The following ACADVL variants were observed in gnomAD, a reference collection of about 807,000 sequenced individuals.
The protein encoded by ACADVL is very long-chain acyl-CoA dehydrogenase, mitochondrial.
A neutral mutation model predicts 80.4 loss-of-function variants in ACADVL; 73 were observed. The ratio of observed to expected loss-of-function variants is 0.91; its 90% confidence interval spans 0.75 to 1.10. ACADVL has a LOEUF of 1.10. Ranked by LOEUF, ACADVL falls within the 50% of genes least tolerant of loss-of-function variation. ACADVL has a pLI of 0.00. For missense variants in ACADVL, 878 were observed against 858.9 expected (o/e 1.02, Z -0.28); for synonymous variants, 392 against 326.5 (o/e 1.20, Z -2.16).
upstream of ACADVL, chr17:7,217,658 G>A (rs2070992804): frequency 9.2e-6 from 11 of 1,202,066 alleles, no homozygotes; most frequent in Non-Finnish European, 1.1e-5. Flanking sequence ...GAGGGAGGGA[G>A]CTAGGAGCCA....
chr17:7,217,803 C>G, upstream of ACADVL: 2 of 1,535,184 alleles, frequency 1.3e-6, no homozygotes, highest in South Asian at 2.4e-5. Flanking sequence ...CCAGCGATGA[C>G]AGCAAAGACG....
chr17:7,221,619 A>G lies in ACADVL; in HGVS notation c.559A>G (p.Lys187Glu). Reference sequence around the variant, plus strand: ...GGGGGCCCATCAGAGCATCGGTTTCAAAGGCATCCTGCTCTTTGGCACAAA... The same window carrying G: ...GGGGGCCCATCAGAGCATCGGTTTCGAAGGCATCCTGCTCTTTGGCACAAA... Reference protein sequence around the residue: ...TLGAHQSIGFKGILLFGTKAQ... With the variant: ...TLGAHQSIGFEGILLFGTKAQ... The change falls in exon 7 of 20, where the codon AAA becomes GAA. Residue 187 changes from lysine (K) to glutamate (E), a missense_variant. By Grantham distance (56) the Lys-to-Glu change is moderately conservative. Transcript: ENST00000356839. The G allele has an allele frequency of 4.3e-6, 7 of 1,614,090 alleles. No homozygotes were observed. The highest frequency in any genetic ancestry group is 5.9e-6 in the Non-Finnish European group (7 of 1,180,034).
At chr17:7,217,911 C>A (rs1597508675), upstream of ACADVL, 2 of 1,237,672 alleles carry the variant, frequency 1.6e-6, no homozygotes, top group Non-Finnish European at 1.1e-6. Context: ...TCTCGGCAGG[C>A]GGTAGGGGGT....
In ACADVL at chr17:7,223,128, T is replaced by G. The variant is rs1266629718; in HGVS notation, c.1078-5T>G. 1.2e-6 allele frequency: 2 copies of G among 1,610,650 alleles called. No individual in the cohort carries two copies. Among genetic ancestry groups the G allele is most frequent in the Admixed American group, 1.7e-5 (1 of 60,024 alleles). ...CCACAGCGGGATGTGTGGACCCTCT[T>G]CCAGGTAGATCATGCCACTAATCGT... On this transcript the variant is annotated splice_region_variant and splice_polypyrimidine_tract_variant and intron_variant, in intron 10 of 19. Transcript: ENST00000356839.
chr17:7,222,348 T>G, intron 9 of ACADVL, 46 bp downstream of exon 9: 1 of 1,601,142 alleles, frequency 6.2e-7, no homozygotes, highest in South Asian at 1.1e-5. Context: ...GGGGCAGGAC[T>G]GGGCTCCTGG....
chr17:7,222,908 C>A, intron 10 of ACADVL, 43 bp downstream of exon 10: 1 of 1,600,244 alleles, frequency 6.2e-7, no homozygotes, highest in South Asian at 1.1e-5. Flanking sequence ...AAACAGAAGT[C>A]TCACTGTCCC....
At chr17:7,223,489 A>C (rs1792267534) in intron 11 of ACADVL, 155 bp from the exon 12 acceptor site, 3 of 921,412 alleles carry the variant, frequency 3.3e-6, no homozygotes, top group Admixed American at 1.7e-5. Context: ...TAAGAAAACA[A>C]ATACCTGGAA....
In ACADVL at chr17:7,221,057, A is replaced by G. The variant is rs746688190; in HGVS notation, c.476A>G (p.Gln159Arg). The change falls in exon 6 of 20, where the codon CAG becomes CGG. Residue 159 changes from glutamine (Q) to arginine (R), a missense_variant and splice_region_variant. Coordinates refer to ENST00000356839, the MANE Select transcript of ACADVL (RefSeq NM_000018.4). ...ELGGVGLCNT[Q>R]YARLVEIVGM... The stretch of plus-strand genomic sequence containing the variant: ...GGTGGTGTGGGCCTTTGCAACACCC[A>G]GGTGAGGGCGCCCTATCGCCACATC... The G allele has an allele frequency of 2.5e-6, 4 of 1,613,354 alleles. No homozygotes were observed. Among genetic ancestry groups the G allele is most frequent in the Non-Finnish European group, 3.4e-6 (4 of 1,180,034 alleles).
intron 6 of ACADVL, 124 bp from the exon 7 acceptor site, chr17:7,221,414 G>A (rs1469891551): frequency 6.9e-7 from 1 of 1,444,842 alleles, no homozygotes; most frequent in African/African-American, 1.4e-5. Flanking sequence ...GATGGCCCAG[G>A]TCAGGCACTG....
Position 7,225,143 on chromosome 17 carries a change from C to T in ACADVL, c.*46C>T. ...TCCCAGTTATGTGCCTTCCCTCAAG[C>T]CAAAGCCGAAGCCCCTTTCCTTAAG... On this transcript the variant is annotated 3_prime_UTR_variant, in exon 20 of 20. Transcript: ENST00000356839. 1 of 1,613,022 alleles carries T rather than the reference C, an allele frequency of 6.2e-7. No homozygotes were observed.
chr17:7,225,213 C>T lies in ACADVL; in HGVS notation c.*116C>T, dbSNP rs2071420563. 3 of 1,452,392 alleles carry T rather than the reference C, an allele frequency of 2.1e-6. No homozygotes were observed. Among genetic ancestry groups the T allele is most frequent in the Non-Finnish European group, 1.9e-6 (2 of 1,047,998 alleles). The allele number at this position is 1,452,392 out of a possible 1,614,324, so 90.0% of individuals were successfully genotyped here. Reference sequence around the variant, plus strand: ...GGGCCTAGTGTTCCCAGCACTGTGCCTGCTCTCAAGAGCACTTACTGCCTC... The same window carrying T: ...GGGCCTAGTGTTCCCAGCACTGTGCTTGCTCTCAAGAGCACTTACTGCCTC... On this transcript the variant is annotated 3_prime_UTR_variant, in exon 20 of 20. Coordinates refer to ENST00000356839, the MANE Select transcript of ACADVL (RefSeq NM_000018.4).
In ACADVL at chr17:7,219,967, G is replaced by A. The variant is rs758357222; in HGVS notation, c.-18G>A. 44 of 1,596,344 alleles carry A rather than the reference G, an allele frequency of 2.8e-5. No homozygotes were observed. Among genetic ancestry groups the A allele is most frequent in the Non-Finnish European group, 3.6e-5 (42 of 1,175,628 alleles). On this transcript the variant is annotated 5_prime_UTR_variant, in exon 1 of 20. Transcript: ENST00000356839. ...CTGGGTCAGAGCTCGAGCCAGCGGC[G>A]CCCGGAGAGATTCGGAGATGCAGGC...
rs757917133 is a variant in ACADVL, at chr17:7,223,807, C to T, written c.1270-6C>T. 1.1e-5 allele frequency: 18 copies of T among 1,613,970 alleles called. No individual in the cohort carries two copies. The highest frequency in any genetic ancestry group is 3.3e-5 in the South Asian group (3 of 91,086). ...AAAACCAGTCTCATCTGTTCTTTGT[C>T]CCTAGGAGGCAGCCTGGAAGGTGAC... On this transcript the variant is annotated splice_region_variant and splice_polypyrimidine_tract_variant and intron_variant, in intron 12 of 19. Transcript: ENST00000356839.
Position 7,225,165 on chromosome 17 carries a change from T to G in ACADVL, c.*68T>G. On this transcript the variant is annotated 3_prime_UTR_variant, in exon 20 of 20. Coordinates refer to ENST00000356839, the MANE Select transcript of ACADVL (RefSeq NM_000018.4). ...AAGCCAAAGCCGAAGCCCCTTTCCTTAAGGCCCTGGTTTGTCCCGAAGGGG... is the reference window on the plus strand; with the variant it reads ...AAGCCAAAGCCGAAGCCCCTTTCCTGAAGGCCCTGGTTTGTCCCGAAGGGG... 1 of 1,608,702 alleles carries G rather than the reference T, an allele frequency of 6.2e-7. No homozygotes were observed. The highest frequency in any genetic ancestry group is 8.5e-7 in the Non-Finnish European group (1 of 1,178,044).
rs1567565259 is a variant in ACADVL at position 7,222,673 on chromosome 17, CCCT to C, written c.886_888del (p.Pro296del). On this transcript the variant is annotated inframe_deletion, in exon 10 of 20. Transcript: ENST00000356839. The stretch of plus-strand genomic sequence containing the variant: ...CCACACTGCCCTGACACAGTGGGCC[CCCT>C]GAGAAGAAGATGGGCATCAAGGCTT... 6.2e-7 allele frequency: 1 copy of C among 1,613,634 alleles called. No individual in the cohort carries two copies.
chr17:7,219,870 C>A, upstream of ACADVL: 2 of 1,539,718 alleles, frequency 1.3e-6, no homozygotes, highest in African/African-American at 2.7e-5. Flanking sequence ...CGCAACCGTC[C>A]GCCGCCCGGT....
At position 7,223,755 on chromosome 17, in the gene ACADVL, G is replaced by A. The variant is rs373157378; in HGVS notation, c.1269+25G>A. ...GGTGAGGTCCCAGGCATGCTGGGAG[G>A]GAGTCCAGTTTGGGTGCTCAGCTCC... On this transcript the variant is annotated intron_variant, in intron 12 of 19. Transcript: ENST00000356839. 53 of 1,613,976 alleles carry A rather than the reference G, an allele frequency of 3.3e-5. No homozygotes were observed. The African/African-American group carries it at 4.3e-4, about 13-fold the overall frequency.
At chr17:7,219,845 G>C, upstream of ACADVL, 4 of 1,538,290 alleles carry the variant, frequency 2.6e-6, no homozygotes, top group Non-Finnish European at 3.5e-6. Flanking sequence ...ACAGCTCCCA[G>C]CATGCCCCGG....
upstream of ACADVL, chr17:7,217,136 G>A: frequency 7.7e-7 from 1 of 1,301,588 alleles, no homozygotes; most frequent in Middle Eastern, 2.3e-4. Context: ...TCACTATACA[G>A]AGACAGTCCA....
Sources: allele counts gnomAD v4.1 joint callset, GRCh38; gene constraint gnomAD v4.1.1; transcripts MANE v1.5; gene names NCBI Gene and HGNC (gene_info 2026-07-23, HGNC 2026-07-21).